Variants in ABCC5 observed in about 807,000 individuals in gnomAD.
ABCC5 encodes ATP-binding cassette sub-family C member 5.
A neutral mutation model predicts 160.9 loss-of-function variants in ABCC5; 61 were observed. That is an observed-to-expected ratio of 0.38 (90% CI 0.31 to 0.47). The LOEUF is 0.47. Ranked by LOEUF, ABCC5 falls within the 20% of genes least tolerant of loss-of-function variation. The pLI is 0.99. For synonymous variants in ABCC5, 666 were observed against 700.6 expected, an observed-to-expected ratio of 0.95 and a Z score of 0.78; for missense variants, 1,308 against 1,813.3, an observed-to-expected ratio of 0.72 and a Z score of 5.06.
At chr3:183,966,301 G>C (rs1717211060) in intron 12 of ABCC5, among the ~76,000 whole-genome samples, 1 of 152,204 alleles carries the variant, frequency 6.6e-6, no homozygotes, top group South Asian at 2.1e-4. Flanking sequence ...GTAGCATTCT[G>C]ATGTGCACTT....
intron 27 of ABCC5, chr3:183,927,664 T>C: frequency 3.0e-6 from 3 of 985,420 alleles, no homozygotes; most frequent in Non-Finnish European, 3.6e-6. Flanking sequence ...CTTTATACCA[T>C]TAAAACATCC....
At chr3:183,993,781 C>T (rs1260193495) in intron 2 of ABCC5, among the ~76,000 whole-genome samples, 2 of 152,062 alleles carry the variant, frequency 1.3e-5, no homozygotes, top group African/African-American at 4.8e-5. Context: ...GTATAGAATT[C>T]AGAGGCATTA....
intron 26 of ABCC5, among the ~76,000 whole-genome samples, chr3:183,937,111 T>C (rs928821432): frequency 6.6e-6 from 1 of 152,138 alleles, no homozygotes; most frequent in African/African-American, 2.4e-5. Flanking sequence ...GTGCAGTGGC[T>C]CGCGCCTGTA....
intron 17 of ABCC5, among the ~76,000 whole-genome samples, chr3:183,956,484 C>T (rs1275136343): frequency 1.3e-5 from 2 of 149,446 alleles, no homozygotes; most frequent in Non-Finnish European, 3.0e-5. Flanking sequence ...GTGTATATCA[C>T]ATCTGTTACA....
intron 2 of ABCC5, among the ~76,000 whole-genome samples, chr3:184,003,845 T>C (rs547975582): frequency 6.6e-6 from 1 of 152,268 alleles, no homozygotes; most frequent in South Asian, 2.1e-4. Context: ...ACTTTGTTAA[T>C]AGCATGGTAA....
intron 17 of ABCC5, among the ~76,000 whole-genome samples, chr3:183,956,643 A>G (rs1240618832): frequency 6.9e-6 from 1 of 145,532 alleles, no homozygotes; most frequent in Non-Finnish European, 1.5e-5. Context: ...TGTGTAAATC[A>G]CATCGGTTAC....
At chr3:183,973,830 C>T (rs1450232562) in intron 10 of ABCC5, among the ~76,000 whole-genome samples, 1 of 152,228 alleles carries the variant, frequency 6.6e-6, no homozygotes, top group Non-Finnish European at 1.5e-5. Context: ...AGTAAAACCA[C>T]ATGCCGACAG....
At chr3:183,961,716 A>C (rs905619205) in intron 15 of ABCC5, 62 bp from the exon 16 acceptor site, 4 of 1,593,934 alleles carry the variant, frequency 2.5e-6, no homozygotes, top group African/African-American at 2.7e-5. Context: ...AAAAACCCAT[A>C]CATTAGTTCA....
chr3:183,967,544 G>C, intron 12 of ABCC5, 151 bp downstream of exon 12: 1 of 702,486 alleles, frequency 1.4e-6, no homozygotes, highest in Middle Eastern at 3.3e-4. Flanking sequence ...GGGAGAACTG[G>C]GGGGAACTGC....
At chr3:183,962,730 C>G (rs1052206623) in intron 15 of ABCC5, among the ~76,000 whole-genome samples, 2 of 151,986 alleles carry the variant, frequency 1.3e-5, no homozygotes, top group African/African-American at 4.8e-5. Context: ...TGGGGTTTCA[C>G]CAGTTGGTCT....
chr3:183,948,543 A>C (rs1445347541), intron 22 of ABCC5, among the ~76,000 whole-genome samples: 1 of 152,196 alleles, frequency 6.6e-6, no homozygotes, highest in Non-Finnish European at 1.5e-5. Flanking sequence ...CAACTTTTGC[A>C]ATAGGCAACA....
intron 2 of ABCC5, chr3:184,001,273 T>C (rs752458656): frequency 2.0e-6 from 1 of 502,606 alleles, no homozygotes; most frequent in Non-Finnish European, 3.6e-6. Context: ...AAGTAAAAGG[T>C]AAATTAATTT....
chr3:183,966,444 G>A (rs963304772), intron 12 of ABCC5, among the ~76,000 whole-genome samples: 1 of 152,196 alleles, frequency 6.6e-6, no homozygotes, highest in African/African-American at 2.4e-5. Flanking sequence ...AGCCCAACCC[G>A]TTTCCCTGCC....
rs1252837613 is a variant in ABCC5 at position 183,963,999 on chromosome 3, T to C, written c.2032-411A>G. 1.3e-5 allele frequency among the ~76,000 whole-genome samples: 2 copies of C among 152,148 alleles called. No homozygotes were observed. Among genetic ancestry groups the C allele is most frequent in the Non-Finnish European group, 2.9e-5 (2 of 68,022 alleles). ...AAACATGGCATACAAACCAGACCCT[T>C]TGTCACCCAGTTCCCCAGCAGTTCT... On this transcript the variant is annotated intron_variant, in intron 14 of 29. Coordinates refer to ENST00000334444, the MANE Select transcript of ABCC5 (RefSeq NM_005688.4). This position sits in a 1 kb window ranked among gnomAD's most constrained non-coding sequence, Gnocchi z 4.6.
intron 2 of ABCC5, among the ~76,000 whole-genome samples, chr3:184,009,033 A>G (rs1339683297): frequency 6.6e-6 from 1 of 151,724 alleles, no homozygotes; most frequent in Non-Finnish European, 1.5e-5. Flanking sequence ...ATTTATTTTT[A>G]TTTTTATTTT....
rs368757377 is a variant in ABCC5 at position 183,981,887 on chromosome 3, G to C, written c.1000-13C>G. 3 of 1,584,210 alleles carry C rather than the reference G, an allele frequency of 1.9e-6. No individual in the cohort carries two copies. The highest frequency in any genetic ancestry group is 2.6e-6 in the Non-Finnish European group (3 of 1,170,468). On this transcript the variant is annotated splice_polypyrimidine_tract_variant and intron_variant, in intron 7 of 29. Transcript: ENST00000334444. ...GTGATGCAAACATCTGAAAGGAAAA[G>C]CGATGCCACGCCAAATTAAAGCTCA...
At chr3:184,014,648 G>A (rs1722046721) in intron 1 of ABCC5, among the ~76,000 whole-genome samples, 1 of 151,088 alleles carries the variant, frequency 6.6e-6, no homozygotes, top group Non-Finnish European at 1.5e-5. Flanking sequence ...CAGTATAAGA[G>A]AATCAAGAAA....
At chr3:183,967,532 G>C (rs1261124061) in intron 12 of ABCC5, 163 bp downstream of exon 12, 1 of 652,692 alleles carries the variant, frequency 1.5e-6, no homozygotes. Context: ...AGGCTGTGAA[G>C]GGGGAGAACT....
At chr3:183,968,790 G>A (rs990840912) in intron 11 of ABCC5, among the ~76,000 whole-genome samples, 5 of 152,186 alleles carry the variant, frequency 3.3e-5, no homozygotes, top group Non-Finnish European at 5.9e-5. Context: ...GATTCTGGAG[G>A]CAGATGGGTC....
Sources: gnomAD v4.1 joint callset for allele counts (sites outside exome capture counted in the v4.1 genomes callset) on GRCh38, gnomAD v4.1.1 for gene constraint, Gnocchi (gnomAD v3.1) non-coding constraint, MANE v1.5 for transcripts, NCBI Gene and HGNC (gene_info 2026-07-23, HGNC 2026-07-21) for gene names.